Variants in MME observed in about 807,000 individuals in gnomAD.
MME encodes membrane metalloendopeptidase, also known as neprilysin.
A neutral mutation model predicts 113.2 loss-of-function variants in MME; 98 were observed. The observed-to-expected ratio is 0.87, with a 90% CI of 0.74 to 1.02. MME has a LOEUF of 1.02. MME is among the 50% of genes least tolerant of loss of function. MME has a pLI of 0.00. For missense variants in MME, 836 were observed against 896.0 expected (o/e 0.93, Z 0.86); for synonymous variants, 292 against 300.6 (o/e 0.97, Z 0.30).
At chr3:155,145,636 T>C (rs1721445271) in intron 14 of MME, among the ~76,000 whole-genome samples, 1 of 152,166 alleles carries the variant, frequency 6.6e-6, no homozygotes, top group Non-Finnish European at 1.5e-5. Context: ...TGGATATTTA[T>C]AATAACTTAT....
chr3:155,071,883 C>T (rs966985432), intron 1 of MME, among the ~76,000 whole-genome samples: 15 of 152,134 alleles, frequency 9.9e-5, no homozygotes, highest in African/African-American at 3.6e-4. Context: ...CACTGTCGGC[C>T]GGGCGCGGTG....
intron 1 of MME, among the ~76,000 whole-genome samples, chr3:155,072,516 G>A (rs1486628566): frequency 6.6e-6 from 1 of 152,212 alleles, no homozygotes; most frequent in African/African-American, 2.4e-5. Flanking sequence ...CATTTGCTTA[G>A]CTGCAACTGG....
At chr3:155,052,505 G>T (rs766231701) in intron 1 of MME, among the ~76,000 whole-genome samples, 2 of 152,256 alleles carry the variant, frequency 1.3e-5, no homozygotes, top group Non-Finnish European at 2.9e-5. Context: ...GGTGGAAGCT[G>T]CCAAGGCTTG....
intron 1 of MME, chr3:155,083,917 CAA>C (rs961712299): frequency 6.6e-6 from 3 of 456,496 alleles, no homozygotes; most frequent in Non-Finnish European, 1.2e-5. Flanking sequence ...AGTGATATAC[CAA>C]AGCAAAACAA....
intron 1 of MME, among the ~76,000 whole-genome samples, chr3:155,056,542 G>A (rs1181380531): frequency 6.7e-6 from 1 of 148,862 alleles, no homozygotes; most frequent in Non-Finnish European, 1.5e-5. Context: ...ATTCCGTGGT[G>A]TATATGTGCC....
At chr3:155,067,935 T>C (rs1714438908) in intron 1 of MME, among the ~76,000 whole-genome samples, 2 of 152,174 alleles carry the variant, frequency 1.3e-5, no homozygotes, top group South Asian at 2.1e-4. Flanking sequence ...GATATTTACC[T>C]AGGAAAAGTG....
At chr3:155,044,983 C>T (rs1285120070) in intron 1 of MME, among the ~76,000 whole-genome samples, 10 of 149,686 alleles carry the variant, frequency 6.7e-5, no homozygotes, top group African/African-American at 2.5e-4. Context: ...TTTTTCTGCT[C>T]AAATATGTAG....
At chr3:155,130,088 G>C (rs1458239784) in intron 8 of MME, among the ~76,000 whole-genome samples, 1 of 152,138 alleles carries the variant, frequency 6.6e-6, no homozygotes, top group Non-Finnish European at 1.5e-5. Context: ...TCCTTCATAA[G>C]GAAATCTGAA....
chr3:155,104,167 T>C lies in MME; in HGVS notation c.197-10827T>C, dbSNP rs183114904. ...GGGATTATGTCTGTTTATCACACCA[T>C]GGTATGTTCAGTTCCTAAGAGTGTC... On this transcript the variant is annotated intron_variant, in intron 3 of 22. Coordinates refer to ENST00000360490, the MANE Select transcript of MME (RefSeq NM_007289.4). Among the ~76,000 whole-genome samples the C allele has an allele frequency of 2.1e-3, 319 of 152,302 alleles. 2 individuals carry two copies. The highest frequency in any genetic ancestry group is 7.4e-3 in the African/African-American group (306 of 41,578).
intron 1 of MME, among the ~76,000 whole-genome samples, chr3:155,028,994 A>T (rs2108112136): frequency 1.3e-5 from 2 of 152,330 alleles, no homozygotes; most frequent in Admixed American, 1.3e-4. Context: ...AGCCAAAGTG[A>T]TCATGTAAAG....
At chr3:155,130,186 T>C (rs1720030539) in intron 8 of MME, among the ~76,000 whole-genome samples, 1 of 152,190 alleles carries the variant, frequency 6.6e-6, no homozygotes, top group Non-Finnish European at 1.5e-5. Context: ...GAGCAATAAG[T>C]GAGGTTAGTG....
intron 3 of MME, among the ~76,000 whole-genome samples, chr3:155,087,017 T>G (rs925714245): frequency 7.3e-5 from 10 of 136,586 alleles, no homozygotes; most frequent in African/African-American, 2.6e-4. Context: ...TTTTTTTTTT[T>G]GTAGAGACAG....
In MME at chr3:155,142,145, C is replaced by T. The variant is rs1480630181; in HGVS notation, c.1094+18C>T. ...TCTGCCAGGTAGGTATGTCACAGTC[C>T]CCATGTCCTCAAAGTTTGCATTTCA... On this transcript the variant is annotated intron_variant, in intron 11 of 22. Coordinates refer to ENST00000360490, the MANE Select transcript of MME (RefSeq NM_007289.4). 2 of 1,613,642 alleles carry T rather than the reference C, an allele frequency of 1.2e-6. No homozygotes were observed. Among genetic ancestry groups the T allele is most frequent in the South Asian group, 2.2e-5 (2 of 91,068 alleles).
At chr3:155,036,376 G>C (rs781150825) in intron 1 of MME, among the ~76,000 whole-genome samples, 6 of 152,104 alleles carry the variant, frequency 3.9e-5, no homozygotes, top group Admixed American at 3.9e-4. Context: ...TCAAGATATA[G>C]AGTTTTTTTT....
At chr3:155,128,615 C>G (rs1190252903) in intron 8 of MME, among the ~76,000 whole-genome samples, 1 of 151,982 alleles carries the variant, frequency 6.6e-6, no homozygotes, top group Non-Finnish European at 1.5e-5. Flanking sequence ...CACCACCTGC[C>G]TACACTCTTT....
intron 3 of MME, among the ~76,000 whole-genome samples, chr3:155,106,759 GTAA>G: frequency 6.6e-6 from 1 of 152,182 alleles, no homozygotes; most frequent in Non-Finnish European, 1.5e-5. Flanking sequence ...TTGCCTAGAA[GTAA>G]TATCAAGCTT....
intron 22 of MME, among the ~76,000 whole-genome samples, chr3:155,174,327 T>G (rs1485979418): frequency 4.6e-4 from 6 of 13,026 alleles, no homozygotes; most frequent in African/African-American, 7.5e-4. Context: ...AACAGAAGCG[T>G]GTGTGTGTGT....
intron 3 of MME, among the ~76,000 whole-genome samples, chr3:155,104,508 T>C (rs1273730010): frequency 6.6e-6 from 1 of 152,242 alleles, no homozygotes; most frequent in Non-Finnish European, 1.5e-5. Flanking sequence ...TTCCTCTGGC[T>C]GTTGTCTTTT....
intron 7 of MME, among the ~76,000 whole-genome samples, chr3:155,117,753 G>C (rs1718749060): frequency 6.6e-6 from 1 of 151,980 alleles, no homozygotes. Flanking sequence ...TCCTGCAGTG[G>C]GCTCTCTCTC....
Sources: allele counts gnomAD v4.1 joint callset (sites outside exome capture counted in the v4.1 genomes callset), GRCh38; gene constraint gnomAD v4.1.1; transcripts MANE v1.5; gene names NCBI Gene and HGNC (gene_info 2026-07-23, HGNC 2026-07-21).